Variants in SAMD8 observed in about 807,000 individuals in gnomAD.
SAMD8 encodes sphingomyelin synthase-related protein 1.
In SAMD8, 20 loss-of-function variants were observed where a neutral mutation model predicts 42.0. The observed-to-expected ratio is 0.48, with a 90% confidence interval of 0.34 to 0.69. The LOEUF (loss-of-function observed/expected upper bound fraction) is 0.69. Among genes scored for constraint, SAMD8 ranks in the 30% least tolerant of loss-of-function variants. SAMD8 has a pLI of 0.01. For missense variants in SAMD8, 328 were observed against 511.6 expected (o/e 0.64, Z 3.46); for synonymous variants, 162 against 173.0 (o/e 0.94, Z 0.50).
At chr10:75,152,200 A>C in intron 2 of SAMD8, among the ~76,000 whole-genome samples, 1 of 152,198 alleles carries the variant, frequency 6.6e-6, no homozygotes, top group Middle Eastern at 3.4e-3. Flanking sequence ...GAATACATAA[A>C]AAAATGTAGT....
chr10:75,151,803 C>T (rs1840294459), intron 2 of SAMD8, among the ~76,000 whole-genome samples: 1 of 152,202 alleles, frequency 6.6e-6, no homozygotes. Flanking sequence ...TCCCCTGCCT[C>T]AGCCTCCTGA....
chr10:75,145,063 A>G (rs1022614680), intron 1 of SAMD8, among the ~76,000 whole-genome samples: 1 of 152,152 alleles, frequency 6.6e-6, no homozygotes, highest in Non-Finnish European at 1.5e-5. Flanking sequence ...TTTTATCTCT[A>G]GAACTTGGAG....
At position 75,176,495 on chromosome 10, in the gene SAMD8, A is replaced by C. The variant is rs1203059463; in HGVS notation, c.1051A>C (p.Ile351Leu). The C allele has an allele frequency of 6.4e-7, 1 of 1,550,638 alleles. No homozygotes were observed. The change falls in exon 6 of 6, where the codon ATT becomes CTT. Residue 351 changes from isoleucine (I) to leucine (L), a missense_variant. By Grantham distance (5) the Ile-to-Leu change is conservative. Coordinates refer to ENST00000542569, the MANE Select transcript of SAMD8 (RefSeq NM_001174156.2). The surrounding 1 kb of genome is among the most constrained non-coding windows in gnomAD (Gnocchi z 4.3). ...TGAACATTATTCTATTGATGTGTTT[A>C]TTGCTTTTTATATAACAACAAGACT... is the stretch of plus-strand genomic sequence containing the variant. ...AHEHYSIDVF[I>L]AFYITTRLFL...
At chr10:75,138,213 G>A (rs991290267) in intron 1 of SAMD8, among the ~76,000 whole-genome samples, 4 of 152,150 alleles carry the variant, frequency 2.6e-5, no homozygotes, top group African/African-American at 7.2e-5. Flanking sequence ...AGGAGGAAAC[G>A]ACTAGAGGGA....
intron 2 of SAMD8, among the ~76,000 whole-genome samples, chr10:75,160,417 A>C (rs1239983824): frequency 6.6e-6 from 1 of 151,408 alleles, no homozygotes; most frequent in Non-Finnish European, 1.5e-5. Flanking sequence ...TGTGTTAACC[A>C]GGATGATCTC....
chr10:75,136,784 A>G (rs181741570), intron 1 of SAMD8, among the ~76,000 whole-genome samples: 71 of 152,340 alleles, frequency 4.7e-4, no homozygotes, highest in Admixed American at 1.4e-3. Flanking sequence ...GTGTTTCTCC[A>G]AGCAAAATAT....
In SAMD8 at chr10:75,177,767, G is replaced by A. The variant is rs1253612642; in HGVS notation, c.*1075G>A. On this transcript the variant is annotated 3_prime_UTR_variant, in exon 6 of 6. Transcript: ENST00000542569. ...GTTTTTTACTTTTAAATATAATGGT[G>A]TATATACATTCTTTCTATTTAGTCT... 6.6e-6 allele frequency: 1 copy of A among 152,194 alleles called. No individual in the cohort carries two copies. The highest frequency in any genetic ancestry group is 1.5e-5 in the Non-Finnish European group (1 of 68,034). 9.4% of individuals were successfully genotyped at this position (152,194 alleles called of 1,614,324 possible).
At chr10:75,121,481 C>T (rs1013562988) in intron 1 of SAMD8, among the ~76,000 whole-genome samples, 6 of 152,138 alleles carry the variant, frequency 3.9e-5, no homozygotes, top group African/African-American at 9.7e-5. Flanking sequence ...AAACACAACA[C>T]GTTTAATGTT....
intron 2 of SAMD8, among the ~76,000 whole-genome samples, chr10:75,152,836 A>G (rs1216084134): frequency 6.6e-6 from 1 of 152,238 alleles, no homozygotes; most frequent in African/African-American, 2.4e-5. Context: ...ACTGCACTCC[A>G]GCCTGGGCAG....
At chr10:75,111,273 C>G (rs1256754702), upstream of SAMD8, among the ~76,000 whole-genome samples, 1 of 152,224 alleles carries the variant, frequency 6.6e-6, no homozygotes, top group African/African-American at 2.4e-5. Context: ...TAGGCCCTAA[C>G]CCCATTTACT....
At chr10:75,108,152 G>C, upstream of SAMD8, 4 of 1,612,928 alleles carry the variant, frequency 2.5e-6, no homozygotes, top group Non-Finnish European at 3.4e-6. Context: ...TGTGGGCGGC[G>C]TTCAGCACGT....
intron 4 of SAMD8, among the ~76,000 whole-genome samples, chr10:75,172,684 G>A (rs1182427720): frequency 1.3e-5 from 2 of 152,104 alleles, no homozygotes. Context: ...TTTCAGTAGA[G>A]ATGGGGTTTC....
intron 1 of SAMD8, among the ~76,000 whole-genome samples, chr10:75,134,326 T>C (rs1315382527): frequency 6.6e-6 from 1 of 152,180 alleles, no homozygotes; most frequent in African/African-American, 2.4e-5. Context: ...CCTGCTCATG[T>C]ATCCCGGAAT....
chr10:75,167,059 AGGAAT>A (rs1840700522), intron 3 of SAMD8, among the ~76,000 whole-genome samples: 1 of 152,214 alleles, frequency 6.6e-6, no homozygotes, highest in Non-Finnish European at 1.5e-5. Flanking sequence ...CCCTGTCCTC[AGGAAT>A]ATTAGTCCAA....
At chr10:75,123,686 T>TTTTTC (rs1181020399) in intron 1 of SAMD8, among the ~76,000 whole-genome samples, 3 of 151,854 alleles carry the variant, frequency 2.0e-5, no homozygotes, top group Non-Finnish European at 4.4e-5. Flanking sequence ...GGTCCTTTGG[T>TTTTTC]TTTTCTTTTC....
Position 75,150,736 on chromosome 10 carries a change from C to A in SAMD8, c.208C>A (p.Leu70Ile). 1 of 1,614,134 alleles carries A rather than the reference C, an allele frequency of 6.2e-7. No homozygotes were observed. The highest frequency in any genetic ancestry group is 8.5e-7 in the Non-Finnish European group (1 of 1,179,998). ...KVLGDIKRLMLSVRKLQKIHI... is the reference protein window; with the variant it reads ...KVLGDIKRLMISVRKLQKIHI... ...CTTAGGGGACATTAAAAGGTTAATG[C>A]TCTCAGTCCGAAAATTGCAGAAAAT... Residue 70 changes from leucine (L) to isoleucine (I), a missense_variant, in exon 2 of 6, where the codon CTC becomes ATC. Around this residue, in one of 2 missense-constraint regions of SAMD8, gnomAD observed 150 missense variants for 186.0 expected, o/e 0.81. Transcript: ENST00000542569.
At chr10:75,127,837 T>C (rs1192546872) in intron 1 of SAMD8, among the ~76,000 whole-genome samples, 1 of 152,228 alleles carries the variant, frequency 6.6e-6, no homozygotes, top group African/African-American at 2.4e-5. Flanking sequence ...TAGTTCATGC[T>C]AAGGAACAAC....
intron 1 of SAMD8, chr10:75,125,207 C>CT (rs1849101565): frequency 6.6e-6 from 1 of 152,222 alleles, no homozygotes. Flanking sequence ...CTCTCAGGTC[C>CT]TCGTTTCCAA....
At chr10:75,174,738 C>CTT (rs928634732) in intron 4 of SAMD8, among the ~76,000 whole-genome samples, 1 of 145,890 alleles carries the variant, frequency 6.9e-6, no homozygotes, top group Non-Finnish European at 1.5e-5. Flanking sequence ...CTGCAGTATG[C>CTT]TTTTTTTTTT....
Sources: gnomAD v4.1 joint callset for allele counts (sites outside exome capture counted in the v4.1 genomes callset) on GRCh38, gnomAD v4.1.1 for gene constraint, gnomAD v4.1.1 regional missense constraint, Gnocchi (gnomAD v3.1) non-coding constraint, MANE v1.5 for transcripts, NCBI Gene and HGNC (gene_info 2026-07-23, HGNC 2026-07-21) for gene names.